Variants in PTPA observed in about 807,000 individuals in gnomAD.
PTPA encodes protein phosphatase 2 phosphatase activator, also known as serine/threonine-protein phosphatase 2A activator.
Under a neutral mutation model 43.6 loss-of-function variants are expected in PTPA, and 13 were observed. The observed-to-expected ratio is 0.30, with a 90% CI of 0.19 to 0.47. The LOEUF (loss-of-function observed/expected upper bound fraction) is 0.47, where lower values mean the gene tolerates loss of function less well. Among genes scored for constraint, PTPA ranks in the 20% least tolerant of loss-of-function variants. The probability of loss-of-function intolerance (pLI) is 0.99; values close to 1 mark genes in which losing one functional copy is unlikely to be tolerated. For synonymous variants in PTPA, 172 were observed against 158.2 expected, an observed-to-expected ratio of 1.09 and a Z score of -0.66; for missense variants, 329 against 411.9, an observed-to-expected ratio of 0.80 and a Z score of 1.74.
At position 129,131,622 on chromosome 9, in the gene PTPA, G is replaced by A. The variant is rs1849975003; in HGVS notation, c.443G>A (p.Arg148His). 6 of 1,613,920 alleles carry A rather than the reference G, an allele frequency of 3.7e-6. No homozygotes were observed. The highest frequency in any genetic ancestry group is 2.7e-5 in the African/African-American group (2 of 74,934). Residue 148 changes from arginine to histidine, a missense_variant, in exon 5 of 10, where the codon CGC becomes CAC. By Grantham distance (29) the Arg-to-His change is conservative (BLOSUM62 0). Coordinates refer to ENST00000393370, the MANE Select transcript of PTPA (RefSeq NM_178000.3). ...AAGGAGTCAGTGGGGAACTCCACGC[G>A]CATTGACTACGGCACAGGTATCTGC... ...YLKESVGNSTRIDYGTGHEAA... is the reference protein window; with the variant it reads ...YLKESVGNSTHIDYGTGHEAA...
At chr9:129,147,285 C>A in intron 9 of PTPA, 102 bp from the exon 10 acceptor site, 1 of 1,217,098 alleles carries the variant, frequency 8.2e-7, no homozygotes, top group South Asian at 1.3e-5. Flanking sequence ...GGGCTACTTC[C>A]TGGGCCCGGG....
intron 5 of PTPA, among the ~76,000 whole-genome samples, chr9:129,133,109 G>T (rs546842893): frequency 6.6e-6 from 1 of 152,330 alleles, no homozygotes; most frequent in South Asian, 2.1e-4. Flanking sequence ...AGAGAAGGGA[G>T]GCGTTCTCTA....
At chr9:129,116,963 G>A (rs1367260287) in intron 1 of PTPA, among the ~76,000 whole-genome samples, 1 of 152,144 alleles carries the variant, frequency 6.6e-6, no homozygotes, top group African/African-American at 2.4e-5. Flanking sequence ...CACTGTGCCT[G>A]GTCTAGATTT....
At chr9:129,131,794 C>T (rs1014192415) in intron 5 of PTPA, among the ~76,000 whole-genome samples, 155 bp downstream of exon 5, 1 of 152,200 alleles carries the variant, frequency 6.6e-6, no homozygotes, top group Non-Finnish European at 1.5e-5. Context: ...AGGGTGGCTT[C>T]ACCGGCAGGG....
At chr9:129,139,902 C>T (rs1461678932) in intron 8 of PTPA, 1 of 152,144 alleles carries the variant, frequency 6.6e-6, no homozygotes, top group Non-Finnish European at 1.5e-5. Context: ...GCCTCTACAG[C>T]CTCTGTAAAT....
chr9:129,145,787 A>T (rs1383307612), intron 9 of PTPA, among the ~76,000 whole-genome samples: 1 of 151,980 alleles, frequency 6.6e-6, no homozygotes, highest in Non-Finnish European at 1.5e-5. Flanking sequence ...CTTCAGAAGG[A>T]CCTTGTCAGG....
At chr9:129,141,349 C>G (rs1485177747) in intron 8 of PTPA, among the ~76,000 whole-genome samples, 2 of 152,052 alleles carry the variant, frequency 1.3e-5, no homozygotes, top group African/African-American at 4.8e-5. Context: ...AACCCAGTCT[C>G]CCCTGACACC....
chr9:129,141,077 T>G (rs1252800687), intron 8 of PTPA, among the ~76,000 whole-genome samples: 1 of 152,048 alleles, frequency 6.6e-6, no homozygotes, highest in African/African-American at 2.4e-5. Context: ...TCCTTGCTCC[T>G]GAACATGGGT....
At chr9:129,131,691 T>G in intron 5 of PTPA, 52 bp downstream of exon 5, 1 of 1,566,748 alleles carries the variant, frequency 6.4e-7, no homozygotes, top group Non-Finnish European at 8.8e-7. Context: ...TGCTTTCTGT[T>G]TTGGGCTTCA....
chr9:129,141,484 G>A (rs1315201364), intron 8 of PTPA, among the ~76,000 whole-genome samples: 3 of 151,454 alleles, frequency 2.0e-5, no homozygotes, highest in African/African-American at 7.4e-5. Flanking sequence ...CTGCCTATGA[G>A]CTGGGGGGCT....
intron 6 of PTPA, 61 bp from the exon 7 acceptor site, chr9:129,136,410 G>A (rs774865837): frequency 2.6e-5 from 39 of 1,526,096 alleles, no homozygotes; most frequent in South Asian, 7.7e-5. Flanking sequence ...CCCAGTGGCC[G>A]AAAGGGTGAG....
At chr9:129,125,128 C>G (rs1849493429) in intron 3 of PTPA, among the ~76,000 whole-genome samples, 1 of 152,112 alleles carries the variant, frequency 6.6e-6, no homozygotes, top group African/African-American at 2.4e-5. Context: ...CTCAGCTGTG[C>G]TCAGTGGGCC....
intron 3 of PTPA, among the ~76,000 whole-genome samples, chr9:129,126,013 C>CGG (rs1379914968): frequency 7.3e-5 from 11 of 151,688 alleles, no homozygotes; most frequent in Admixed American, 3.3e-4. Context: ...CTGGGCGTGG[C>CGG]GGCAGGCACC....
intron 8 of PTPA, among the ~76,000 whole-genome samples, chr9:129,141,341 C>T (rs1850808897): frequency 6.6e-6 from 1 of 152,018 alleles, no homozygotes; most frequent in Non-Finnish European, 1.5e-5. Context: ...CAAAAAATAA[C>T]CCAGTCTCCC....
intron 5 of PTPA, among the ~76,000 whole-genome samples, chr9:129,133,429 A>G (rs17486324): frequency 0.062 from 9,391 of 152,210 alleles, 933 homozygotes; most frequent in African/African-American, 0.21. Flanking sequence ...TCATAATTGG[A>G]AACTGTGGCA....
chr9:129,137,593 C>T lies in PTPA; in HGVS notation c.687C>T (p.Asp229=). The stretch of plus-strand genomic sequence containing the variant: ...GCTGGGGCCCATTCCTTTTCCCAGA[C>T]CACCCATACCTGGAGCCCAGACACT... The part of the protein sequence containing the change: ...PFIWGSSQLI[D]HPYLEPRHFV... The change falls in exon 8 of 10, where the codon GAC becomes GAT. Residue 229 remains aspartate (D), a splice_region_variant and synonymous_variant. Transcript: ENST00000393370. 2 of 1,609,800 alleles carry T rather than the reference C, an allele frequency of 1.2e-6. No homozygotes were observed. The highest frequency in any genetic ancestry group is 1.7e-6 in the Non-Finnish European group (2 of 1,177,788).
intron 8 of PTPA, among the ~76,000 whole-genome samples, chr9:129,138,350 C>T (rs1850520529): frequency 1.3e-5 from 2 of 152,190 alleles, no homozygotes; most frequent in African/African-American, 4.8e-5. Context: ...TGTTAAAACG[C>T]ACATTCCTGG....
At chr9:129,111,086 G>T, upstream of PTPA, 1 of 1,360,220 alleles carries the variant, frequency 7.4e-7, no homozygotes, top group Non-Finnish European at 9.8e-7. Context: ...CTAACTCTTA[G>T]AGTGATAGGA....
At chr9:129,140,609 C>T (rs574605813) in intron 8 of PTPA, among the ~76,000 whole-genome samples, 41 of 152,320 alleles carry the variant, frequency 2.7e-4, no homozygotes, top group South Asian at 1.0e-3. Flanking sequence ...GCCTTTGCCT[C>T]GGAGCCCTTG....
Sources: allele counts gnomAD v4.1 joint callset (sites outside exome capture counted in the v4.1 genomes callset), GRCh38; gene constraint gnomAD v4.1.1; transcripts MANE v1.5; gene names NCBI Gene and HGNC (gene_info 2026-07-23, HGNC 2026-07-21).